The following GALK2 variants were observed in gnomAD, a reference collection of about 807,000 sequenced individuals.
GALK2 encodes N-acetylgalactosamine kinase.
A neutral mutation model predicts 52.4 loss-of-function variants in GALK2; 36 were observed. The observed-to-expected ratio is 0.69, with a 90% CI of 0.53 to 0.91. The LOEUF (loss-of-function observed/expected upper bound fraction) is 0.91, where lower values mean the gene tolerates loss of function less well. GALK2 is among the 40% of genes least tolerant of loss of function. The pLI is 0.00. For synonymous variants in GALK2, 176 were observed against 199.1 expected, an observed-to-expected ratio of 0.88 and a Z score of 0.98; for missense variants, 579 against 559.1, an observed-to-expected ratio of 1.04 and a Z score of -0.36.
chr15:49,223,070 C>A (rs1318078371), intron 3 of GALK2: 1 of 152,056 alleles, frequency 6.6e-6, no homozygotes, highest in Non-Finnish European at 1.5e-5. Context: ...GTACTTGTTA[C>A]TAGTCTGTTT....
chr15:49,288,928 A>AG, intron 7 of GALK2, among the ~76,000 whole-genome samples: 1 of 152,302 alleles, frequency 6.6e-6, no homozygotes, highest in East Asian at 1.9e-4. Context: ...GGACCTAGTA[A>AG]GGGTTGGGTA....
At chr15:49,341,716 G>T (rs1429602969) in intron 3 of GALK2, among the ~76,000 whole-genome samples, 1 of 152,122 alleles carries the variant, frequency 6.6e-6, no homozygotes, top group Non-Finnish European at 1.5e-5. Flanking sequence ...CATGGTTTTT[G>T]CTGCATCCCA....
Position 49,329,467 on chromosome 15 carries a change from A to T in GALK2, c.*1308A>T. 1.0e-6 allele frequency: 1 copy of T among 985,194 alleles called. No individual in the cohort carries two copies. The highest frequency in any genetic ancestry group is 1.2e-6 in the Non-Finnish European group (1 of 829,692). The allele number at this position is 985,194 out of a possible 1,614,324, so 61.0% of individuals were successfully genotyped here. On this transcript the variant is annotated 3_prime_UTR_variant, in exon 10 of 10. Coordinates refer to ENST00000560031, the MANE Select transcript of GALK2 (RefSeq NM_002044.4). ...TGATTTCATTAGCTCATTAATGTTT[A>T]ACTCACAGATTGGGCATCACCATCT...
intron 3 of GALK2, among the ~76,000 whole-genome samples, chr15:49,345,309 C>T (rs774201679): frequency 6.6e-6 from 1 of 152,060 alleles, no homozygotes; most frequent in Non-Finnish European, 1.5e-5. Context: ...TAAAGTCATT[C>T]TAATTGTAAA....
chr15:49,173,240 T>G (rs2085219678), intron 1 of GALK2, among the ~76,000 whole-genome samples: 1 of 152,224 alleles, frequency 6.6e-6, no homozygotes, highest in African/African-American at 2.4e-5. Context: ...ATTTAACATG[T>G]ATCAGTATAT....
At chr15:49,358,806 C>G (rs1197697750) in intron 3 of GALK2, among the ~76,000 whole-genome samples, 5 of 152,046 alleles carry the variant, frequency 3.3e-5, no homozygotes, top group Admixed American at 2.0e-4. Context: ...AAGAACAAAG[C>G]TGGAGACATC....
At chr15:49,306,375 C>A (rs1207319087) in intron 8 of GALK2, among the ~76,000 whole-genome samples, 1 of 152,042 alleles carries the variant, frequency 6.6e-6, no homozygotes, top group Non-Finnish European at 1.5e-5. Flanking sequence ...TGAGAACCAG[C>A]TATTTAAGCA....
chr15:49,297,395 G>T (rs2034578010), intron 8 of GALK2, among the ~76,000 whole-genome samples: 1 of 152,120 alleles, frequency 6.6e-6, no homozygotes, highest in South Asian at 2.1e-4. Flanking sequence ...TGTTTACTCT[G>T]TTGACAGTTT....
chr15:49,265,621 C>G (rs1000150421), intron 5 of GALK2, among the ~76,000 whole-genome samples: 2 of 152,226 alleles, frequency 1.3e-5, no homozygotes, highest in African/African-American at 2.4e-5. Flanking sequence ...GAGATGAACC[C>G]AGTACCTCAG....
At chr15:49,211,775 A>T (rs1387274810) in intron 2 of GALK2, among the ~76,000 whole-genome samples, 1 of 152,144 alleles carries the variant, frequency 6.6e-6, no homozygotes, top group African/African-American at 2.4e-5. Context: ...ATCAGATCTC[A>T]TGAGAACTCT....
chr15:49,258,777 CATATATATAT>C (rs144138275), intron 5 of GALK2, among the ~76,000 whole-genome samples: 3 of 134,644 alleles, frequency 2.2e-5, no homozygotes, highest in African/African-American at 8.7e-5. Flanking sequence ...TATTTGGAAG[CATATATATAT>C]ATATATATGT....
chr15:49,213,547 G>A (rs146949024), intron 2 of GALK2, among the ~76,000 whole-genome samples: 341 of 151,952 alleles, frequency 2.2e-3, no homozygotes, highest in African/African-American at 7.6e-3. Flanking sequence ...TGTGTGTTCC[G>A]GAATATCTTT....
rs137993237 is a variant in GALK2, at chr15:49,256,843, A to G, written c.504+17476A>G. Among the ~76,000 whole-genome samples, 435 of 152,310 alleles carry G rather than the reference A, an allele frequency of 2.9e-3. 1 individual carries two copies. The highest frequency in any genetic ancestry group is 4.6e-3 in the Non-Finnish European group (315 of 68,022). ...TTATTTTTTAAATGTTTGGATCCCC[A>G]TAGACTCAAATCACAACTGATTTAG... On this transcript the variant is annotated intron_variant, in intron 5 of 9. Coordinates refer to ENST00000560031, the MANE Select transcript of GALK2 (RefSeq NM_002044.4).
intron 5 of GALK2, 34 bp downstream of exon 5, chr15:49,239,401 C>T (rs750796421): frequency 1.3e-6 from 2 of 1,595,272 alleles, no homozygotes; most frequent in South Asian, 2.2e-5. Flanking sequence ...TCATAGAACC[C>T]TCTCCTAATA....
intron 5 of GALK2, among the ~76,000 whole-genome samples, chr15:49,251,364 A>G (rs2091592378): frequency 1.3e-5 from 2 of 152,254 alleles, no homozygotes; most frequent in South Asian, 2.1e-4. Context: ...TTTATCATGC[A>G]TTCATGATAA....
intron 5 of GALK2, among the ~76,000 whole-genome samples, chr15:49,259,980 T>C (rs1390953835): frequency 2.0e-5 from 3 of 151,452 alleles, no homozygotes; most frequent in East Asian, 3.9e-4. Flanking sequence ...CAGTCTATCA[T>C]TGTTGGACAT....
chr15:49,243,521 A>G (rs548177075), intron 5 of GALK2, among the ~76,000 whole-genome samples: 16 of 152,206 alleles, frequency 1.1e-4, no homozygotes, highest in Admixed American at 9.2e-4. Flanking sequence ...TTAGAAGCCC[A>G]TTTACAAAGC....
At chr15:49,204,201 G>A (rs981234739) in intron 2 of GALK2, among the ~76,000 whole-genome samples, 18 of 151,794 alleles carry the variant, frequency 1.2e-4, no homozygotes, top group Admixed American at 7.2e-4. Context: ...CTGTTTTTAC[G>A]CCAAAACCAT....
At position 49,175,702 on chromosome 15, in the gene GALK2, A is replaced by G. The variant is rs189346005; in HGVS notation, c.53+5327A>G. Among the ~76,000 whole-genome samples the G allele has an allele frequency of 6.8e-3, 1,032 of 152,274 alleles. 7 individuals carry two copies. Among genetic ancestry groups the G allele is most frequent in the Non-Finnish European group, 8.5e-3 (575 of 68,014 alleles). ...GTCTTATGCCCAATTTCTGCCTCCA[A>G]AAAAAGAAGTAAAAACTAAAAGGCA... On this transcript the variant is annotated intron_variant, in intron 1 of 9. Coordinates refer to ENST00000560031, the MANE Select transcript of GALK2 (RefSeq NM_002044.4).
Sources: allele counts gnomAD v4.1 joint callset (sites outside exome capture counted in the v4.1 genomes callset), GRCh38; gene constraint gnomAD v4.1.1; transcripts MANE v1.5; gene names NCBI Gene and HGNC (gene_info 2026-07-23, HGNC 2026-07-21).